The following PRKRA variants were observed in gnomAD, a reference collection of about 807,000 sequenced individuals.
PRKRA encodes protein activator of interferon induced protein kinase EIF2AK2, also known as interferon-inducible double-stranded RNA-dependent protein kinase activator A.
A neutral mutation model predicts 32.4 loss-of-function variants in PRKRA; 22 were observed. The observed-to-expected ratio is 0.68, with a 90% CI of 0.49 to 0.97. The LOEUF (loss-of-function observed/expected upper bound fraction) is 0.97, where lower values mean the gene tolerates loss of function less well. Ranked by LOEUF, PRKRA falls within the 50% of genes least tolerant of loss-of-function variation. The probability of loss-of-function intolerance (pLI) is 0.00; values close to 1 mark genes in which losing one functional copy is unlikely to be tolerated. For missense variants in PRKRA, 319 were observed against 375.6 expected, an observed-to-expected ratio of 0.85 and a Z score of 1.25; for synonymous variants, 139 against 129.8, an observed-to-expected ratio of 1.07 and a Z score of -0.48.
intron 1 of PRKRA, 72 bp downstream of exon 1, chr2:178,450,894 G>GCCGGCTC (rs1286360417): frequency 1.5e-5 from 22 of 1,506,296 alleles, no homozygotes; most frequent in Non-Finnish European, 1.9e-5. Context: ...CCTCTGGAGG[G>GCCGGCTC]CCGGCTCCCC....
chr2:178,446,972 G>A (rs1173392639), intron 3 of PRKRA, among the ~76,000 whole-genome samples: 6 of 117,614 alleles, frequency 5.1e-5, no homozygotes, highest in Admixed American at 3.6e-4. Context: ...CAGACTGGGC[G>A]ACAGAGCGAG....
At position 178,450,956 on chromosome 2, in the gene PRKRA, G is replaced by A. The variant is rs535076601; in HGVS notation, c.65+10C>T. 4.4e-4 allele frequency: 336 copies of A among 770,338 alleles called. 4 individuals carry two copies. The South Asian group carries it at 5.8e-3, about 13-fold the overall frequency. The allele number at this position is 770,338 out of a possible 1,614,324, so 47.7% of individuals were successfully genotyped here. A position where few individuals can be genotyped will look rare whatever the true frequency, so the allele number is the denominator to read the frequency against. On this transcript the variant is annotated intron_variant, in intron 1 of 7. Coordinates refer to ENST00000325748, the MANE Select transcript of PRKRA (RefSeq NM_003690.5). ...CCCGGCCCTGGGGCCCTGACTGCCCGCACGCTGACCTGAAGGTCCCACTGT... is the reference window on the plus strand; with the variant it reads ...CCCGGCCCTGGGGCCCTGACTGCCCACACGCTGACCTGAAGGTCCCACTGT...
At chr2:178,448,524 G>A (rs554414810) in intron 2 of PRKRA, among the ~76,000 whole-genome samples, 6 of 152,088 alleles carry the variant, frequency 3.9e-5, no homozygotes, top group Admixed American at 2.0e-4. Flanking sequence ...AGGCTGTAGC[G>A]GAGGTTGCAG....
intron 3 of PRKRA, chr2:178,445,853 C>T (rs888115540): frequency 6.6e-6 from 1 of 152,372 alleles, no homozygotes; most frequent in African/African-American, 2.4e-5. Flanking sequence ...GTCTCAGCCT[C>T]CCAAGCAGCT....
chr2:178,443,131 G>A, intron 5 of PRKRA, 136 bp downstream of exon 5: 1 of 658,990 alleles, frequency 1.5e-6, no homozygotes, highest in Non-Finnish European at 2.7e-6. Context: ...TTCAACCTCA[G>A]AAAGTCAGAG....
At chr2:178,432,627 A>G (rs1007804167) in intron 7 of PRKRA, among the ~76,000 whole-genome samples, 2 of 152,220 alleles carry the variant, frequency 1.3e-5, no homozygotes, top group Admixed American at 6.5e-5. Context: ...TGAACCACAC[A>G]GTAACTTTCT....
intron 7 of PRKRA, chr2:178,433,898 ACTATTT>A (rs1696773556): frequency 6.6e-6 from 1 of 152,204 alleles, no homozygotes. Flanking sequence ...ATCTACAAGA[ACTATTT>A]AGTTCTCAAA....
In PRKRA at chr2:178,447,601, A is replaced by G. The variant is rs747821202; in HGVS notation, c.236-15T>C. Reference sequence around the variant, plus strand: ...TGTACCTTCACCTGAATTAAGATTTAAAAAAAGAAGTCTTTATCTCCCACA... The same window carrying G: ...TGTACCTTCACCTGAATTAAGATTTGAAAAAAGAAGTCTTTATCTCCCACA... On this transcript the variant is annotated splice_polypyrimidine_tract_variant and intron_variant, in intron 2 of 7. Coordinates refer to ENST00000325748, the MANE Select transcript of PRKRA (RefSeq NM_003690.5). The G allele has an allele frequency of 1.3e-6, 1 of 795,098 alleles. No individual in the cohort carries two copies. 49.3% of individuals were successfully genotyped at this position (795,098 alleles called of 1,614,324 possible).
intron 2 of PRKRA, among the ~76,000 whole-genome samples, chr2:178,448,584 C>A (rs1300963573): frequency 2.6e-5 from 4 of 151,522 alleles, no homozygotes; most frequent in Admixed American, 1.3e-4. Context: ...AGAGTGAGAC[C>A]CTGTCTCAAA....
intron 1 of PRKRA, chr2:178,450,632 C>A (rs998775180): frequency 1.4e-6 from 2 of 1,448,766 alleles, no homozygotes; most frequent in Non-Finnish European, 1.8e-6. Flanking sequence ...TTAGAGAGAG[C>A]ACTTGAATGC....
At chr2:178,434,959 T>TAA (rs369335856) in intron 7 of PRKRA, among the ~76,000 whole-genome samples, 1 of 139,258 alleles carries the variant, frequency 7.2e-6, no homozygotes, top group Non-Finnish European at 1.6e-5. Flanking sequence ...CCATCTCTAC[T>TAA]AAAAAAAAAA....
At chr2:178,436,005 T>C (rs1575087675) in intron 7 of PRKRA, 140 bp downstream of exon 7, 1 of 703,138 alleles carries the variant, frequency 1.4e-6, no homozygotes, top group East Asian at 2.7e-5. Context: ...ATTACTGGCC[T>C]AGTAATTATA....
At chr2:178,450,757 C>A (rs1487770045) in intron 1 of PRKRA, 1 of 1,345,000 alleles carries the variant, frequency 7.4e-7, no homozygotes, top group South Asian at 2.0e-5. Context: ...GCCCGCCCCG[C>A]GCGCCGCCAG....
At chr2:178,437,324 T>C (rs1310853617) in intron 6 of PRKRA, among the ~76,000 whole-genome samples, 2 of 152,214 alleles carry the variant, frequency 1.3e-5, no homozygotes, top group African/African-American at 4.8e-5. Context: ...CTCTGTTCTA[T>C]TTCTTAGACA....
intron 7 of PRKRA, among the ~76,000 whole-genome samples, chr2:178,434,818 CAT>C (rs529149780): frequency 3.0e-4 from 45 of 152,074 alleles, no homozygotes; most frequent in African/African-American, 9.4e-4. Flanking sequence ...ATTTCTCACA[CAT>C]GTTAAATCAA....
chr2:178,450,788 C>A, intron 1 of PRKRA, 178 bp downstream of exon 1: 3 of 1,341,238 alleles, frequency 2.2e-6, no homozygotes, highest in Non-Finnish European at 1.9e-6. Context: ...AGGGGCGGGG[C>A]CCGGCCGCAG....
At chr2:178,436,020 C>T in intron 7 of PRKRA, 125 bp downstream of exon 7, 2 of 830,220 alleles carry the variant, frequency 2.4e-6, no homozygotes, top group Non-Finnish European at 3.7e-6. Context: ...ATTATATATA[C>T]TTAGAATCCC....
At chr2:178,439,449 T>C (rs1697033736) in intron 6 of PRKRA, 1 of 152,216 alleles carries the variant, frequency 6.6e-6, no homozygotes. Context: ...AAGTTATTGA[T>C]TTTGTATATT....
At chr2:178,437,975 C>A (rs1220811243) in intron 6 of PRKRA, among the ~76,000 whole-genome samples, 1 of 152,114 alleles carries the variant, frequency 6.6e-6, no homozygotes, top group East Asian at 1.9e-4. Flanking sequence ...GTAGCTGGGA[C>A]TACAGGCATG....
Sources: allele counts gnomAD v4.1 joint callset (sites outside exome capture counted in the v4.1 genomes callset), GRCh38; gene constraint gnomAD v4.1.1; transcripts MANE v1.5; gene names NCBI Gene and HGNC (gene_info 2026-07-23, HGNC 2026-07-21).